The following KANK1 variants were observed in gnomAD, a reference collection of about 807,000 sequenced individuals.
KANK1 encodes KN motif and ankyrin repeat domain-containing protein 1.
KANK1 carries 109 observed loss-of-function variants against 106.2 expected under a neutral mutation model. The ratio of observed to expected loss-of-function variants is 1.03; its 90% confidence interval spans 0.88 to 1.20. The LOEUF (loss-of-function observed/expected upper bound fraction) is 1.20, where lower values mean the gene tolerates loss of function less well. Among genes scored for constraint, KANK1 ranks in the 50% most tolerant of loss-of-function variants. KANK1 has a pLI of 0.00. For missense variants in KANK1, 2,399 were observed against 1,710.7 expected (o/e 1.40, Z -7.10); for synonymous variants, 873 against 652.2 (o/e 1.34, Z -5.16).
chr9:604,944 G>A (rs916145338), intron 1 of KANK1, among the ~76,000 whole-genome samples: 3 of 151,892 alleles, frequency 2.0e-5, no homozygotes, highest in Admixed American at 6.5e-5. Context: ...TTATAGCAGT[G>A]TGAAAATGGA....
At chr9:579,697 T>C (rs570959467) in intron 1 of KANK1, among the ~76,000 whole-genome samples, 3 of 152,240 alleles carry the variant, frequency 2.0e-5, no homozygotes, top group African/African-American at 7.2e-5. Context: ...TCTGACCCTG[T>C]GGCCCAGTCA....
At chr9:662,943 T>C (rs1194970657) in intron 1 of KANK1, among the ~76,000 whole-genome samples, 1 of 152,160 alleles carries the variant, frequency 6.6e-6, no homozygotes, top group African/African-American at 2.4e-5. Flanking sequence ...ATTACAGGCG[T>C]GAGCCACCAC....
intron 1 of KANK1, among the ~76,000 whole-genome samples, chr9:585,803 G>T (rs1217236722): frequency 6.6e-6 from 1 of 152,174 alleles, no homozygotes; most frequent in South Asian, 2.1e-4. Context: ...GGGTGTAAGT[G>T]TTTGTTCTTG....
intron 1 of KANK1, among the ~76,000 whole-genome samples, chr9:576,088 C>T (rs559973590): frequency 6.6e-6 from 1 of 152,314 alleles, no homozygotes; most frequent in African/African-American, 2.4e-5. Context: ...GCATCATTCA[C>T]ATCATCTGGG....
chr9:607,294 T>C (rs987957984), intron 1 of KANK1, among the ~76,000 whole-genome samples: 3 of 151,542 alleles, frequency 2.0e-5, no homozygotes, highest in African/African-American at 2.4e-5. Context: ...AAGACCAGCC[T>C]GGCCAATATG....
intron 1 of KANK1, among the ~76,000 whole-genome samples, chr9:641,017 T>C (rs1448697137): frequency 6.6e-6 from 1 of 152,202 alleles, no homozygotes. Context: ...ATGTCTGTGT[T>C]GCAGTGAAAT....
intron 1 of KANK1, among the ~76,000 whole-genome samples, chr9:569,997 A>G (rs1482591116): frequency 1.3e-5 from 2 of 152,130 alleles, no homozygotes; most frequent in African/African-American, 2.4e-5. Context: ...ATTACTTTCA[A>G]CACAGTCTCG....
At chr9:579,606 A>G (rs1460071145) in intron 1 of KANK1, among the ~76,000 whole-genome samples, 3 of 152,076 alleles carry the variant, frequency 2.0e-5, no homozygotes, top group Non-Finnish European at 4.4e-5. Context: ...TTCTCAGCAT[A>G]GGTCTCACAT....
intron 1 of KANK1, among the ~76,000 whole-genome samples, chr9:582,591 G>A (rs563620169): frequency 1.3e-5 from 2 of 152,262 alleles, no homozygotes; most frequent in Admixed American, 6.5e-5. Context: ...TTCAGATGCT[G>A]CCTTGCCCAT....
intron 1 of KANK1, among the ~76,000 whole-genome samples, chr9:658,065 A>G (rs1483346572): frequency 6.6e-6 from 1 of 152,036 alleles, no homozygotes; most frequent in Non-Finnish European, 1.5e-5. Context: ...AGTGGAAAAA[A>G]TACATGTATT....
At chr9:516,799 T>G (rs2059296498) in intron 1 of KANK1, among the ~76,000 whole-genome samples, 3 of 151,736 alleles carry the variant, frequency 2.0e-5, no homozygotes, top group Non-Finnish European at 1.5e-5. Flanking sequence ...TGCATGAAGC[T>G]ATTGATTCAC....
intron 1 of KANK1, among the ~76,000 whole-genome samples, chr9:602,297 G>T (rs373108598): frequency 1.3e-4 from 20 of 151,542 alleles, no homozygotes; most frequent in Admixed American, 6.6e-4. Context: ...GTCTCGCTCT[G>T]TTGCCAGGCT....
intron 1 of KANK1, among the ~76,000 whole-genome samples, chr9:626,467 A>G (rs1372227910): frequency 6.6e-6 from 1 of 152,160 alleles, no homozygotes; most frequent in Non-Finnish European, 1.5e-5. Flanking sequence ...ATAAAATTAT[A>G]CTTATTATTC....
intron 1 of KANK1, among the ~76,000 whole-genome samples, chr9:578,881 T>C (rs1055750950): frequency 6.6e-6 from 1 of 152,144 alleles, no homozygotes; most frequent in Non-Finnish European, 1.5e-5. Flanking sequence ...AAAAATCCCA[T>C]CTCGAAGATG....
rs749421001 is a variant in KANK1, at chr9:745,313, G to A, written c.*78G>A. 23 of 1,563,092 alleles carry A rather than the reference G, an allele frequency of 1.5e-5. No individual in the cohort carries two copies. Among genetic ancestry groups the A allele is most frequent in the Non-Finnish European group, 2.0e-5 (23 of 1,135,096 alleles). ...CCTGTTGGGGTGACAGATACTGAAT[G>A]TATACGTATTGTGCCTGAGCTCACC... On this transcript the variant is annotated 3_prime_UTR_variant, in exon 12 of 12. Coordinates refer to ENST00000382297, the MANE Select transcript of KANK1 (RefSeq NM_015158.5).
intron 1 of KANK1, among the ~76,000 whole-genome samples, chr9:656,806 A>G (rs1369656880): frequency 4.6e-5 from 7 of 152,230 alleles, no homozygotes; most frequent in Non-Finnish European, 8.8e-5. Context: ...TATTTCCACT[A>G]AAGGATAGCA....
At chr9:737,069 T>G (rs1468905972) in intron 7 of KANK1, among the ~76,000 whole-genome samples, 2 of 152,172 alleles carry the variant, frequency 1.3e-5, no homozygotes, top group African/African-American at 2.4e-5. Flanking sequence ...TATTGTGTTG[T>G]GAAAAGTAGT....
intron 1 of KANK1, among the ~76,000 whole-genome samples, chr9:504,997 C>T (rs1587306056): frequency 6.6e-6 from 1 of 151,388 alleles, no homozygotes; most frequent in African/African-American, 2.4e-5. Flanking sequence ...GCCCCGCGGC[C>T]GTCGGAGTTT....
intron 2 of KANK1, among the ~76,000 whole-genome samples, chr9:680,001 A>G (rs998758538): frequency 6.6e-6 from 1 of 152,208 alleles, no homozygotes; most frequent in Non-Finnish European, 1.5e-5. Flanking sequence ...ACCTAGATGA[A>G]GATGAGATAA....
Sources: gnomAD v4.1 joint callset for allele counts (sites outside exome capture counted in the v4.1 genomes callset) on GRCh38, gnomAD v4.1.1 for gene constraint, MANE v1.5 for transcripts, NCBI Gene and HGNC (gene_info 2026-07-23, HGNC 2026-07-21) for gene names.